Variants in DEPDC4 observed in about 807,000 individuals in gnomAD.
DEPDC4 encodes DEP domain containing 4.
Under a neutral mutation model 52.0 loss-of-function variants are expected in DEPDC4, and 52 were observed. That is an observed-to-expected ratio of 1.00 (90% CI 0.80 to 1.26). The LOEUF is 1.26. Ranked by LOEUF, DEPDC4 falls within the 50% of genes most tolerant of loss-of-function variation. The pLI, the probability that DEPDC4 is intolerant of heterozygous loss-of-function variation, is 0.00. For missense variants in DEPDC4, 530 were observed against 546.9 expected (o/e 0.97, Z 0.31); for synonymous variants, 201 against 196.8 (o/e 1.02, Z -0.18).
rs371025238 is a variant in DEPDC4, at chr12:100,232,786, G to A, written c.*699+5182C>T. On this transcript the variant is annotated intron_variant and NMD_transcript_variant, in intron 9 of 10. Transcript: ENST00000378244. ...TAATCCCAGCTACTTGGGAGTCTGA[G>A]GCAGAACAATCGCTTGAACCTGGGA... Among the ~76,000 whole-genome samples the A allele has an allele frequency of 8.2e-4, 125 of 152,170 alleles. 1 individual carries two copies. Among genetic ancestry groups the A allele is most frequent in the African/African-American group, 2.8e-3 (117 of 41,544 alleles).
chr12:100,273,569 T>C, the DEPDC4 span, among the ~76,000 whole-genome samples: 1 of 152,336 alleles, frequency 6.6e-6, no homozygotes, highest in African/African-American at 2.4e-5. Flanking sequence ...TTGCCATACG[T>C]ACATCAGTGT....
At chr12:100,271,260 CAA>C (rs11354103), upstream of DEPDC4, among the ~76,000 whole-genome samples, 1,079 of 83,334 alleles carry the variant, frequency 0.013, 5 homozygotes, top group East Asian at 0.037. Context: ...TGCAGAGCAG[CAA>C]AAAAAAAAAA....
chr12:100,262,085 C>T (rs921512651), intron 3 of DEPDC4, among the ~76,000 whole-genome samples, 179 bp downstream of exon 3: 4 of 152,104 alleles, frequency 2.6e-5, no homozygotes, highest in Non-Finnish European at 5.9e-5. Context: ...CACAAATGCA[C>T]CACTTGGTTG....
At chr12:100,266,823 G>C in intron 1 of DEPDC4, 97 bp downstream of exon 1, 2 of 1,439,510 alleles carry the variant, frequency 1.4e-6, no homozygotes, top group Non-Finnish European at 1.9e-6. Flanking sequence ...AAATGGGCGG[G>C]GCCCTGGACC....
intron 4 of DEPDC4, among the ~76,000 whole-genome samples, chr12:100,255,524 G>A (rs2096228950): frequency 6.6e-6 from 1 of 152,182 alleles, no homozygotes; most frequent in Non-Finnish European, 1.5e-5. Flanking sequence ...AAGGTCTAAT[G>A]CCTATAGTTT....
chr12:100,267,374 G>A, upstream of DEPDC4: 1 of 283,732 alleles, frequency 3.5e-6, no homozygotes, highest in Non-Finnish European at 6.7e-6. Flanking sequence ...CCCCAGCACC[G>A]CCCCTCCTGG....
At chr12:100,271,394 C>T (rs1210182426), upstream of DEPDC4, among the ~76,000 whole-genome samples, 2 of 151,744 alleles carry the variant, frequency 1.3e-5, no homozygotes, top group African/African-American at 2.4e-5. Context: ...AGTATTTAAC[C>T]GTATTTCATG....
intron 4 of DEPDC4, among the ~76,000 whole-genome samples, chr12:100,253,926 C>A (rs1436638698): frequency 6.6e-6 from 1 of 152,042 alleles, no homozygotes; most frequent in Admixed American, 6.6e-5. Context: ...CTGAATACCA[C>A]CACACCTTTA....
At chr12:100,259,323 C>T (rs1470501682) in intron 3 of DEPDC4, among the ~76,000 whole-genome samples, 1 of 151,988 alleles carries the variant, frequency 6.6e-6, no homozygotes, top group Admixed American at 6.6e-5. Flanking sequence ...GGGATTTCCC[C>T]AAGAAGATGA....
At chr12:100,274,313 T>A in the DEPDC4 span, among the ~76,000 whole-genome samples, 4 of 152,234 alleles carry the variant, frequency 2.6e-5, no homozygotes, top group Non-Finnish European at 5.9e-5. Flanking sequence ...CAGCTGGAGT[T>A]TTTTTGTCAA....
rs2096230302 is a variant in DEPDC4, at chr12:100,255,881, C to T, written c.878+168G>A. 9.9e-6 allele frequency: 5 copies of T among 506,188 alleles called. 1 individual carries two copies. The South Asian group carries it at 1.7e-4, about 18-fold the overall frequency. 31.4% of individuals were successfully genotyped at this position (506,188 alleles called of 1,614,324 possible). A position where few individuals can be genotyped will look rare whatever the true frequency, so the allele number is the denominator to read the frequency against. ...TCTGATTTCCAGTGATCTTATAGGTCATGACCAATGGCTTTATTAGATCAA... is the reference window on the plus strand; with the variant it reads ...TCTGATTTCCAGTGATCTTATAGGTTATGACCAATGGCTTTATTAGATCAA... On this transcript the variant is annotated intron_variant, in intron 4 of 9. Transcript: ENST00000550587.
At chr12:100,271,280 AAAGAG>A (rs1336052005), upstream of DEPDC4, among the ~76,000 whole-genome samples, 5 of 150,778 alleles carry the variant, frequency 3.3e-5, no homozygotes, top group Non-Finnish European at 5.9e-5. Flanking sequence ...AAAAAAAAAA[AAAGAG>A]AGAGAGAATA....
At chr12:100,264,201 G>A (rs931431794) in intron 1 of DEPDC4, among the ~76,000 whole-genome samples, 1 of 151,852 alleles carries the variant, frequency 6.6e-6, no homozygotes, top group Non-Finnish European at 1.5e-5. Context: ...GTTATTTTAG[G>A]GCATATTTAA....
At chr12:100,262,985 T>G (rs1289183828) in intron 2 of DEPDC4, among the ~76,000 whole-genome samples, 2 of 152,216 alleles carry the variant, frequency 1.3e-5, no homozygotes, top group African/African-American at 4.8e-5. Flanking sequence ...TGAGACAGAT[T>G]CTTGCTGTGT....
In DEPDC4 at chr12:100,251,865, G is replaced by T. The variant is rs376162801; in HGVS notation, c.1374+311C>A. On this transcript the variant is annotated intron_variant, in intron 7 of 9. Transcript: ENST00000550587. ...ATTACAGGCATGAGCCACTGTGCCC[G>T]GCCTGTTATCTTTCTGTATAGATGG... Among the ~76,000 whole-genome samples the T allele has an allele frequency of 1.4e-4, 21 of 151,656 alleles. No homozygotes were observed. The East Asian group carries it at 2.9e-3, about 21-fold the overall frequency.
At chr12:100,238,660 AT>A (rs1239162765), downstream of DEPDC4, among the ~76,000 whole-genome samples, 1 of 150,526 alleles carries the variant, frequency 6.6e-6, no homozygotes, top group Non-Finnish European at 1.5e-5. Context: ...TAATTTTTGC[AT>A]TTTTACTAGA....
chr12:100,241,602 T>C lies in DEPDC4; in HGVS notation c.*290A>G, dbSNP rs999623594. 12 of 912,510 alleles carry C rather than the reference T, an allele frequency of 1.3e-5. No individual in the cohort carries two copies. Among genetic ancestry groups the C allele is most frequent in the Admixed American group, 4.7e-5 (1 of 21,354 alleles). 56.5% of individuals were successfully genotyped at this position (912,510 alleles called of 1,614,324 possible). ...TTATGCTTTCTCTGAAGTGTAAGTATGGCAATTTGAGAAAACCACCAGAGA... is the reference window on the plus strand; with the variant it reads ...TTATGCTTTCTCTGAAGTGTAAGTACGGCAATTTGAGAAAACCACCAGAGA... On this transcript the variant is annotated 3_prime_UTR_variant, in exon 10 of 10. Transcript: ENST00000550587.
At chr12:100,234,088 CAG>C (rs1347123450) in intron 9 of DEPDC4, among the ~76,000 whole-genome samples, 1 of 151,086 alleles carries the variant, frequency 6.6e-6, no homozygotes, top group African/African-American at 2.5e-5. Context: ...GCCTGAGTGA[CAG>C]AGTTAGACCC....
At chr12:100,255,933 A>G (rs1189101804) in intron 4 of DEPDC4, 116 bp downstream of exon 4, 4 of 680,786 alleles carry the variant, frequency 5.9e-6, no homozygotes, top group African/African-American at 3.6e-5. Flanking sequence ...ATAATTTATA[A>G]AAGAGAGATA....
Sources: allele counts gnomAD v4.1 joint callset (sites outside exome capture counted in the v4.1 genomes callset), GRCh38; gene constraint gnomAD v4.1.1; transcripts MANE v1.5; gene names NCBI Gene and HGNC (gene_info 2026-07-23, HGNC 2026-07-21).